Variants in ANGEL1 observed in about 807,000 individuals in gnomAD.
ANGEL1 encodes the protein angel homolog 1.
ANGEL1 carries 62 observed loss-of-function variants against 76.4 expected under a neutral mutation model. The observed-to-expected ratio is 0.81, with a 90% confidence interval of 0.66 to 1.00. The LOEUF is 1.00. ANGEL1 is among the 50% of genes least tolerant of loss of function. The pLI, the probability that ANGEL1 is intolerant of heterozygous loss-of-function variation, is 0.00. For missense variants in ANGEL1, 737 were observed against 836.7 expected (o/e 0.88, Z 1.47); for synonymous variants, 340 against 331.7 (o/e 1.03, Z -0.27).
At chr14:76,807,559 C>G (rs1270157771) in intron 3 of ANGEL1, 57 bp from the exon 4 acceptor site, 2 of 1,571,968 alleles carry the variant, frequency 1.3e-6, no homozygotes, top group African/African-American at 2.7e-5. Flanking sequence ...GACCCCCACC[C>G]TCTAGGAGCA....
chr14:76,789,887 G>A (rs539200795), intron 9 of ANGEL1, among the ~76,000 whole-genome samples: 3 of 137,892 alleles, frequency 2.2e-5, no homozygotes, highest in East Asian at 2.1e-4. Flanking sequence ...TTTTTAAGAC[G>A]GAGTTTTACG....
At chr14:76,808,771 A>G (rs1474374171) in intron 2 of ANGEL1, among the ~76,000 whole-genome samples, 1 of 152,164 alleles carries the variant, frequency 6.6e-6, no homozygotes, top group Non-Finnish European at 1.5e-5. Context: ...GAGAAATGAC[A>G]TTGTGGAGAA....
chr14:76,806,440 C>G lies in ANGEL1; in HGVS notation c.1356G>C (p.Gln452His), dbSNP rs1191938298. 1 of 1,613,586 alleles carries G rather than the reference C, an allele frequency of 6.2e-7. No individual in the cohort carries two copies. The change falls in exon 5 of 10, where the codon CAG (glutamine) becomes CAC (histidine). Residue 452 changes from glutamine to histidine, a missense_variant. By Grantham distance (24) the Gln-to-His change is conservative. Coordinates refer to ENST00000251089, the MANE Select transcript of ANGEL1 (RefSeq NM_015305.4). The part of the protein sequence containing the change: ...LYNFIRDGEL[Q>H]YHGMPAWKVS... ...CCTTCCAGGCTGGCATCCCATGGTA[C>G]TGGAGCTCTCCATCCCTGATGAAGT...
intron 7 of ANGEL1, among the ~76,000 whole-genome samples, chr14:76,796,243 T>TTTTTTC (rs1201488033): frequency 2.6e-5 from 4 of 151,732 alleles, no homozygotes; most frequent in South Asian, 4.2e-4. Context: ...TCATAGTATT[T>TTTTTTC]TTTTTCTTTT....
In ANGEL1 at chr14:76,786,701, AG is replaced by A. The variant is rs1894271056; in HGVS notation, c.*2526del. On this transcript the variant is annotated 3_prime_UTR_variant, in exon 10 of 10. Coordinates refer to ENST00000251089, the MANE Select transcript of ANGEL1 (RefSeq NM_015305.4). ...GGTTGGAAGACAAAAGCACCAACAG[AG>A]GTAGGCCTAGGAAGGAAGAGACATT... The A allele has an allele frequency of 1.3e-5, 2 of 152,198 alleles. No homozygotes were observed. The highest frequency in any genetic ancestry group is 3.8e-4 in the East Asian group (2 of 5,200). The allele number at this position is 152,198 out of a possible 1,614,324, so 9.4% of individuals were successfully genotyped here. A position where few individuals can be genotyped will look rare whatever the true frequency, so the allele number is the denominator to read the frequency against.
intron 7 of ANGEL1, among the ~76,000 whole-genome samples, chr14:76,792,177 A>G (rs1310606436): frequency 6.6e-6 from 1 of 152,214 alleles, no homozygotes; most frequent in Non-Finnish European, 1.5e-5. Context: ...AAATTCCTAG[A>G]AAGACACAAA....
chr14:76,796,021 T>C lies in ANGEL1; in HGVS notation c.1619-4655A>G, dbSNP rs1325259487. Reference sequence around the variant, plus strand: ...TCTTTCTTTTTTCTAATTTCTTGAATTGGGTGCTTAACTCACTTTCATCCC... The same window carrying C: ...TCTTTCTTTTTTCTAATTTCTTGAACTGGGTGCTTAACTCACTTTCATCCC... On this transcript the variant is annotated intron_variant, in intron 7 of 9. Transcript: ENST00000251089. Among the ~76,000 whole-genome samples the C allele has an allele frequency of 2.0e-5, 3 of 152,094 alleles. No homozygotes were observed. In the South Asian group the frequency reaches 6.2e-4, roughly 31 times the overall value.
intron 9 of ANGEL1, 37 bp from the exon 10 acceptor site, chr14:76,789,425 C>G (rs746769727): frequency 1.2e-6 from 2 of 1,610,654 alleles, no homozygotes; most frequent in African/African-American, 2.7e-5. Flanking sequence ...GTAAAAGCAG[C>G]CGCAGCCACA....
rs137867398 is a variant in ANGEL1, at chr14:76,789,434, C to A, written c.1853-46G>T. On this transcript the variant is annotated intron_variant, in intron 9 of 9. Transcript: ENST00000251089. ...CAATGGGTAAAAGCAGCCGCAGCCA[C>A]ACTGCATGGGCAGGCAGTGGCAGAG... 1.7e-4 allele frequency: 270 copies of A among 1,607,984 alleles called. 2 individuals are homozygous for A. The East Asian group carries it at 5.2e-3, about 31-fold the overall frequency.
At chr14:76,790,161 G>A (rs1019153286) in intron 9 of ANGEL1, among the ~76,000 whole-genome samples, 5 of 152,068 alleles carry the variant, frequency 3.3e-5, no homozygotes, top group Non-Finnish European at 7.4e-5. Flanking sequence ...TAATACACGT[G>A]CCTGGCCATA....
chr14:76,802,343 T>A (rs966894482), intron 7 of ANGEL1, among the ~76,000 whole-genome samples: 1 of 152,220 alleles, frequency 6.6e-6, no homozygotes, highest in Non-Finnish European at 1.5e-5. Flanking sequence ...ACAGATTCCA[T>A]GCTTTTCCTT....
chr14:76,811,528 G>A (rs923219591), intron 1 of ANGEL1, among the ~76,000 whole-genome samples: 4 of 145,190 alleles, frequency 2.8e-5, no homozygotes, highest in African/African-American at 7.5e-5. Context: ...TGGGGGGGCG[G>A]GGGGGGCCCT....
chr14:76,797,309 G>T (rs1370608729), intron 7 of ANGEL1, among the ~76,000 whole-genome samples: 1 of 152,168 alleles, frequency 6.6e-6, no homozygotes. Flanking sequence ...TTAGAAAACT[G>T]ACCAGATAGG....
chr14:76,789,192 T>C lies in ANGEL1; in HGVS notation c.*36A>G. On this transcript the variant is annotated 3_prime_UTR_variant, in exon 10 of 10. Coordinates refer to ENST00000251089, the MANE Select transcript of ANGEL1 (RefSeq NM_015305.4). ...CCACAGTCTCTGATCCAGTGAGCTC[T>C]TCTGGAAGAGAAGCTCTCTTCCCCT... The C allele has an allele frequency of 6.2e-7, 1 of 1,612,006 alleles. No homozygotes were observed. Among genetic ancestry groups the C allele is most frequent in the Non-Finnish European group, 8.5e-7 (1 of 1,178,968 alleles).
chr14:76,806,806 A>G lies in ANGEL1; in HGVS notation c.990T>C (p.Asp330=). The G allele has an allele frequency of 6.2e-7, 1 of 1,614,176 alleles. No homozygotes were observed. The highest frequency in any genetic ancestry group is 1.7e-5 in the Admixed American group (1 of 60,028). The stretch of plus-strand genomic sequence containing the variant: ...TAGGCTTGTAGCAGACAGCACAGCC[A>G]TCGGTTTTACACCCAGTCCTCCTCT... ...FYKRRTGCKT[D]GCAVCYKPTR... is the part of the protein sequence containing the mutation. Residue 330 remains aspartate, a synonymous_variant, in exon 5 of 10, where the codon GAT becomes GAC. Coordinates refer to ENST00000251089, the MANE Select transcript of ANGEL1 (RefSeq NM_015305.4).
Position 76,789,214 on chromosome 14 carries a change from C to T in ANGEL1, c.*14G>A, listed in dbSNP as rs1191752075. ...CTCTTCTGGAAGAGAAGCTCTCTTC[C>T]CCTGGGAGCCCTGTCATGGGGCGGT... On this transcript the variant is annotated 3_prime_UTR_variant, in exon 10 of 10. Transcript: ENST00000251089. 6.2e-7 allele frequency: 1 copy of T among 1,613,604 alleles called. No individual in the cohort carries two copies. Among genetic ancestry groups the T allele is most frequent in the Non-Finnish European group, 8.5e-7 (1 of 1,179,838 alleles).
Position 76,786,484 on chromosome 14 carries a change from TC to T in ANGEL1, c.*2743del, listed in dbSNP as rs1894265937. ...GCCGCTAAGTTTTCTTTTTACTAAA[TC>T]AATTGAGGGGATCGCAACCCAGGTA... On this transcript the variant is annotated 3_prime_UTR_variant, in exon 10 of 10. Transcript: ENST00000251089. 1 of 152,074 alleles carries T rather than the reference TC, an allele frequency of 6.6e-6. No individual in the cohort carries two copies. The highest frequency in any genetic ancestry group is 1.5e-5 in the Non-Finnish European group (1 of 68,058). The allele number at this position is 152,074 out of a possible 1,614,324, so 9.4% of individuals were successfully genotyped here.
At chr14:76,792,400 G>A (rs1894433859) in intron 7 of ANGEL1, among the ~76,000 whole-genome samples, 1 of 152,066 alleles carries the variant, frequency 6.6e-6, no homozygotes, top group Non-Finnish European at 1.5e-5. Flanking sequence ...CTCATTCTAT[G>A]AGGCATTACT....
In ANGEL1 at chr14:76,803,479, T is replaced by G. The variant is rs375965978; in HGVS notation, c.1510A>C (p.Arg504=). 7 of 1,614,104 alleles carry G rather than the reference T, an allele frequency of 4.3e-6. No homozygotes were observed. The African/African-American group carries it at 9.3e-5, about 22-fold the overall frequency. The change falls in exon 7 of 10, where the codon AGA becomes CGA. Residue 504 remains arginine, a splice_region_variant and synonymous_variant. Coordinates refer to ENST00000251089, the MANE Select transcript of ANGEL1 (RefSeq NM_015305.4). ...VTSCHPKRSE[R]RKYGRDFLLR... ...AGGAAGTCTCGGCCATACTTGCGTC[T>G]CTCTGTAAACCAGGAAAAGACATAT...
Sources: allele counts gnomAD v4.1 joint callset (sites outside exome capture counted in the v4.1 genomes callset), GRCh38; gene constraint gnomAD v4.1.1; transcripts MANE v1.5; gene names NCBI Gene and HGNC (gene_info 2026-07-23, HGNC 2026-07-21).